MINDY4: variants seen among roughly 807,000 people sequenced by gnomAD.
MINDY4 encodes probable ubiquitin carboxyl-terminal hydrolase MINDY-4.
A neutral mutation model predicts 87.0 loss-of-function variants in MINDY4; 68 were observed. The observed-to-expected ratio is 0.78, with a 90% confidence interval of 0.64 to 0.96. The LOEUF (loss-of-function observed/expected upper bound fraction) is 0.96. Among genes scored for constraint, MINDY4 ranks in the 40% least tolerant of loss-of-function variants. The probability of loss-of-function intolerance (pLI) is 0.00; values close to 1 mark genes in which losing one functional copy is unlikely to be tolerated. For missense variants in MINDY4, 919 were observed against 928.2 expected (o/e 0.99, Z 0.13); for synonymous variants, 379 against 363.2 (o/e 1.04, Z -0.50).
chr7:30,809,990 A>G (rs901289633), intron 5 of MINDY4, among the ~76,000 whole-genome samples: 1 of 151,972 alleles, frequency 6.6e-6, no homozygotes, highest in African/African-American at 2.4e-5. Flanking sequence ...AGCCTGGCCA[A>G]CATAGTGAAA....
At chr7:30,877,683 CTT>C (rs573026878) in intron 15 of MINDY4, among the ~76,000 whole-genome samples, 25 of 112,662 alleles carry the variant, frequency 2.2e-4, no homozygotes, top group Non-Finnish European at 2.1e-4. Flanking sequence ...TCTTCTTCTT[CTT>C]TTTTTTTTTT....
chr7:30,857,861 A>G (rs1323364218), intron 12 of MINDY4: 5 of 152,264 alleles, frequency 3.3e-5, no homozygotes, highest in Non-Finnish European at 7.3e-5. Context: ...TTCCTGGATG[A>G]CAATAAAGAG....
rs559079893 is a variant in MINDY4, at chr7:30,820,460, G to A, written c.1074-8219G>A. 2.0e-5 allele frequency among the ~76,000 whole-genome samples: 3 copies of A among 152,194 alleles called. No individual in the cohort carries two copies. The South Asian group carries it at 6.2e-4, about 32-fold the overall frequency. On this transcript the variant is annotated intron_variant, in intron 5 of 17. Transcript: ENST00000265299. ...GTTGTATAACCACCACCTCTGTCTA[G>A]TTCTAGAACATCTTCATTTCTTCAA...
Position 30,791,514 on chromosome 7 carries a change from T to G in MINDY4, c.1013T>G (p.Met338Arg), listed in dbSNP as rs1481280433. 6.2e-7 allele frequency: 1 copy of G among 1,613,992 alleles called. No individual in the cohort carries two copies. The highest frequency in any genetic ancestry group is 8.5e-7 in the Non-Finnish European group (1 of 1,179,940). Reference protein sequence around the residue: ...KLYLPGGNSRMTQERLERAFK... With the variant: ...KLYLPGGNSRRTQERLERAFK... ...TACTTGCCTGGTGGTAATTCCAGGA[T>G]GACCCAGGAGAGGCTGGAAAGAGCG... The change falls in exon 5 of 18, where the codon ATG becomes AGG. Residue 338 changes from methionine (M) to arginine (R), a missense_variant. By Grantham distance (91) the Met-to-Arg change is moderately conservative. Coordinates refer to ENST00000265299, the MANE Select transcript of MINDY4 (RefSeq NM_032222.3).
intron 17 of MINDY4, among the ~76,000 whole-genome samples, chr7:30,887,108 A>G (rs1790653873): frequency 6.6e-6 from 1 of 152,204 alleles, no homozygotes; most frequent in Non-Finnish European, 1.5e-5. Context: ...TTCGAGGGGC[A>G]GAGGCAGAGC....
intron 4 of MINDY4, among the ~76,000 whole-genome samples, chr7:30,787,020 G>A (rs1226900234): frequency 6.6e-6 from 1 of 152,200 alleles, no homozygotes; most frequent in Admixed American, 6.5e-5. Context: ...GTTTAGGTGT[G>A]GGTGCAGGTG....
intron 9 of MINDY4, among the ~76,000 whole-genome samples, chr7:30,842,261 C>CTGTACAG (rs1789064460): frequency 6.6e-6 from 1 of 152,202 alleles, no homozygotes; most frequent in Non-Finnish European, 1.5e-5. Context: ...GCTCTCCGGT[C>CTGTACAG]GATCCTTCGT....
At chr7:30,882,500 C>A in intron 16 of MINDY4, 139 bp downstream of exon 16, 1 of 817,648 alleles carries the variant, frequency 1.2e-6, no homozygotes, top group Non-Finnish European at 1.8e-6. Flanking sequence ...ACTGGGGGAT[C>A]AGAGAGCCAA....
Position 30,831,393 on chromosome 7 carries a change from C to G in MINDY4, c.1132+2656C>G, listed in dbSNP as rs528145267. ...GTGGGGCCTTAGTCATCTCTTACCT[C>G]TGTCCCACATCATCCCTAGTCCATC... is the stretch of plus-strand genomic sequence containing the variant. On this transcript the variant is annotated intron_variant, in intron 6 of 17. Transcript: ENST00000265299. Among the ~76,000 whole-genome samples, 9 of 152,298 alleles carry G rather than the reference C, an allele frequency of 5.9e-5. No homozygotes were observed. In the South Asian group the frequency reaches 1.9e-3, roughly 32 times the overall value.
Position 30,826,582 on chromosome 7 carries a change from A to C in MINDY4, c.1074-2097A>C, listed in dbSNP as rs117298884. ...CCAGAGTGAGACGAGGCTGGGCAGT[A>C]GGTGGCCAGATCATGGAGAGCCTTG... On this transcript the variant is annotated intron_variant, in intron 5 of 17. Coordinates refer to ENST00000265299, the MANE Select transcript of MINDY4 (RefSeq NM_032222.3). 8.8e-3 allele frequency among the ~76,000 whole-genome samples: 1,347 copies of C among 152,344 alleles called. 9 individuals carry two copies. Among genetic ancestry groups the C allele is most frequent in the Non-Finnish European group, 0.014 (956 of 68,030 alleles).
rs1297664697 is a variant in MINDY4, at chr7:30,778,491, A to G, written c.123A>G (p.Ile41Met). The stretch of plus-strand genomic sequence containing the variant: ...AACGCCCACGCTCTGACCTCAGCAT[A>G]AACAACAGAAATGATCTTCGAAAGG... The part of the protein sequence containing the change: ...DQERPRSDLS[I>M]NNRNDLRKVL... Residue 41 changes from isoleucine to methionine, a missense_variant, in exon 2 of 18, where the codon ATA becomes ATG. Ile to Met is a conservative substitution (Grantham distance 10). Coordinates refer to ENST00000265299, the MANE Select transcript of MINDY4 (RefSeq NM_032222.3). The G allele has an allele frequency of 1.2e-6, 2 of 1,614,090 alleles. No homozygotes were observed. The highest frequency in any genetic ancestry group is 1.7e-6 in the Non-Finnish European group (2 of 1,180,028).
chr7:30,798,597 C>T (rs966560909), intron 5 of MINDY4, among the ~76,000 whole-genome samples: 4 of 152,034 alleles, frequency 2.6e-5, no homozygotes, highest in East Asian at 1.9e-4. Context: ...CCCGGGTTCA[C>T]GCCATTCTCC....
At chr7:30,827,750 C>G (rs1248193908) in intron 5 of MINDY4, among the ~76,000 whole-genome samples, 1 of 152,180 alleles carries the variant, frequency 6.6e-6, no homozygotes, top group Non-Finnish European at 1.5e-5. Context: ...TGTGCGTCCT[C>G]TAGCTCTTCC....
rs921351500 is a variant in MINDY4, at chr7:30,881,475, T to C, written c.1972-706T>C. On this transcript the variant is annotated intron_variant, in intron 15 of 17. Coordinates refer to ENST00000265299, the MANE Select transcript of MINDY4 (RefSeq NM_032222.3). Reference sequence around the variant, plus strand: ...CCCCCACAGACTTCTCACTCAGACCTTTCCCTCCTGGCTCCCCAGGGCTCC... The same window carrying C: ...CCCCCACAGACTTCTCACTCAGACCCTTCCCTCCTGGCTCCCCAGGGCTCC... Among the ~76,000 whole-genome samples the C allele has an allele frequency of 2.0e-5, 3 of 152,204 alleles. No individual in the cohort carries two copies. The South Asian group carries it at 6.2e-4, about 32-fold the overall frequency.
chr7:30,879,209 T>TA (rs888845264), intron 15 of MINDY4, among the ~76,000 whole-genome samples: 1 of 152,024 alleles, frequency 6.6e-6, no homozygotes, highest in African/African-American at 2.4e-5. Flanking sequence ...ATGATTAAGG[T>TA]AAAATGAGGT....
At chr7:30,889,646 C>A (rs945972159) in intron 17 of MINDY4, among the ~76,000 whole-genome samples, 7 of 152,192 alleles carry the variant, frequency 4.6e-5, no homozygotes, top group Non-Finnish European at 1.0e-4. Flanking sequence ...CAATAGACTC[C>A]TCTGGATCTG....
chr7:30,834,270 C>G (rs1047786043), intron 6 of MINDY4, among the ~76,000 whole-genome samples: 6 of 152,250 alleles, frequency 3.9e-5, no homozygotes, highest in Non-Finnish European at 8.8e-5. Context: ...CGGAGGTTCC[C>G]AAACCTCAAT....
chr7:30,879,994 G>C (rs1220089738), intron 15 of MINDY4, among the ~76,000 whole-genome samples: 4 of 152,250 alleles, frequency 2.6e-5, no homozygotes, highest in Non-Finnish European at 4.4e-5. Flanking sequence ...CAGTGGAAAT[G>C]TGTGGGTTTG....
intron 17 of MINDY4, among the ~76,000 whole-genome samples, chr7:30,889,428 G>A (rs957255647): frequency 1.3e-5 from 2 of 152,120 alleles, no homozygotes; most frequent in African/African-American, 4.8e-5. Flanking sequence ...TTTCCTGCTG[G>A]TTGGACCTAT....
Sources: gnomAD v4.1 joint callset for allele counts (sites outside exome capture counted in the v4.1 genomes callset) on GRCh38, gnomAD v4.1.1 for gene constraint, MANE v1.5 for transcripts, NCBI Gene and HGNC (gene_info 2026-07-23, HGNC 2026-07-21) for gene names.